The following CNTN6 variants were observed in gnomAD, a reference collection of about 807,000 sequenced individuals.
CNTN6 encodes contactin 6.
CNTN6 carries 137 observed loss-of-function variants against 122.8 expected under a neutral mutation model. That is an observed-to-expected ratio of 1.12 (90% CI 0.97 to 1.29). The LOEUF is 1.29. Ranked by LOEUF, CNTN6 falls within the 50% of genes most tolerant of loss-of-function variation. The pLI is 0.00. For missense variants in CNTN6, 1,634 were observed against 1,223.4 expected (o/e 1.34, Z -5.01); for synonymous variants, 570 against 426.0 (o/e 1.34, Z -4.16).
chr3:1,230,297 T>C lies in CNTN6; in HGVS notation c.358+2304T>C, dbSNP rs376316030. ...TCTTTTCTTAACAACGTTAAGCTTC[T>C]GTTAAGAAATCTATACGATGAGGAT... On this transcript the variant is annotated intron_variant, in intron 4 of 22. Transcript: ENST00000446702. Among the ~76,000 whole-genome samples the C allele has an allele frequency of 1.3e-4, 20 of 152,310 alleles. No individual in the cohort carries two copies. In the East Asian group the frequency reaches 1.9e-3, roughly 15 times the overall value.
intron 1 of CNTN6, among the ~76,000 whole-genome samples, chr3:1,099,389 T>C (rs1431850163): frequency 2.0e-5 from 3 of 152,036 alleles, no homozygotes; most frequent in Non-Finnish European, 4.4e-5. Flanking sequence ...GGGCGGAGCT[T>C]GCAGTGAGCC....
chr3:1,305,000 A>AAAAC (rs1559769094), intron 7 of CNTN6, among the ~76,000 whole-genome samples: 1 of 151,746 alleles, frequency 6.6e-6, no homozygotes, highest in Non-Finnish European at 1.5e-5. Context: ...AAAAAAAAAA[A>AAAAC]AAAACAAAAT....
intron 14 of CNTN6, among the ~76,000 whole-genome samples, 180 bp from the exon 15 acceptor site, chr3:1,373,424 A>G (rs189303593): frequency 6.6e-6 from 1 of 152,140 alleles, no homozygotes; most frequent in Non-Finnish European, 1.5e-5. Context: ...GCACTACTAC[A>G]TTAATGTCAT....
At chr3:1,129,758 T>G (rs569891972) in intron 1 of CNTN6, among the ~76,000 whole-genome samples, 32 of 152,228 alleles carry the variant, frequency 2.1e-4, no homozygotes, top group Non-Finnish European at 4.4e-4. Flanking sequence ...AACTGAAAGT[T>G]AAATGTATGT....
chr3:1,373,724 G>A lies in CNTN6; in HGVS notation c.1907G>A (p.Arg636Gln), dbSNP rs747085809. Residue 636 changes from arginine (R) to glutamine (Q), a missense_variant, in exon 15 of 23, where the codon CGG (arginine) becomes CAG (glutamine). By Grantham distance (43) the Arg-to-Gln change is conservative. Transcript: ENST00000446702. Reference protein sequence around the residue: ...SPIQIFTIQTRTPFSVGWQAV... With the variant: ...SPIQIFTIQTQTPFSVGWQAV... Reference sequence around the variant, plus strand: ...ATTCAAATATTTACTATTCAGACTCGGACACCATTTTCTGTGGGTTGGCAG... The same window carrying A: ...ATTCAAATATTTACTATTCAGACTCAGACACCATTTTCTGTGGGTTGGCAG... The A allele has an allele frequency of 1.4e-5, 23 of 1,610,248 alleles. No homozygotes were observed. The highest frequency in any genetic ancestry group is 8.9e-5 in the East Asian group (4 of 44,784).
intron 5 of CNTN6, among the ~76,000 whole-genome samples, chr3:1,292,999 T>G (rs2125853483): frequency 1.3e-5 from 2 of 152,234 alleles, no homozygotes; most frequent in African/African-American, 4.8e-5. Context: ...ACTTTTATGG[T>G]TTAATGACAC....
intron 5 of CNTN6, among the ~76,000 whole-genome samples, chr3:1,286,587 A>G (rs1694381364): frequency 6.6e-6 from 1 of 152,170 alleles, no homozygotes; most frequent in African/African-American, 2.4e-5. Flanking sequence ...TTTAAAGAAA[A>G]TGTGACAGTC....
intron 2 of CNTN6, among the ~76,000 whole-genome samples, chr3:1,170,328 G>A (rs745387063): frequency 1.1e-4 from 16 of 149,490 alleles, no homozygotes; most frequent in Non-Finnish European, 2.1e-4. Context: ...TTTAAAAACT[G>A]TGAGGTAGAA....
intron 4 of CNTN6, among the ~76,000 whole-genome samples, chr3:1,248,655 A>C (rs2094614496): frequency 6.6e-6 from 1 of 152,066 alleles, no homozygotes; most frequent in African/African-American, 2.4e-5. Flanking sequence ...CTCTGTCTCC[A>C]CTAAAAATAC....
intron 2 of CNTN6, among the ~76,000 whole-genome samples, chr3:1,198,772 T>C (rs1035055050): frequency 1.3e-5 from 2 of 150,934 alleles, no homozygotes; most frequent in African/African-American, 4.9e-5. Flanking sequence ...AGCTACAACA[T>C]AGTAGGTTGA....
intron 12 of CNTN6, among the ~76,000 whole-genome samples, chr3:1,360,436 A>C (rs1707284265): frequency 6.6e-6 from 1 of 152,206 alleles, no homozygotes; most frequent in Non-Finnish European, 1.5e-5. Context: ...TGAATAATTT[A>C]ATATTTTATT....
intron 1 of CNTN6, among the ~76,000 whole-genome samples, chr3:1,136,680 G>A (rs1269793649): frequency 1.3e-5 from 2 of 152,078 alleles, no homozygotes; most frequent in African/African-American, 4.8e-5. Flanking sequence ...AAGTAGAAAT[G>A]TTTCTCTTTC....
intron 11 of CNTN6, among the ~76,000 whole-genome samples, chr3:1,340,029 C>T (rs151224143): frequency 0.023 from 3,525 of 152,040 alleles, 66 homozygotes; most frequent in Admixed American, 0.044. Context: ...TACATCATTT[C>T]GTTAAATTTT....
Position 1,232,944 on chromosome 3 carries a change from T to C in CNTN6, c.358+4951T>C, listed in dbSNP as rs137869189. The stretch of plus-strand genomic sequence containing the variant: ...AGAGGAAATGCAGATGTGTGAACAA[T>C]CTTCAAGTATCGAAGAAAGTGTGGG... On this transcript the variant is annotated intron_variant, in intron 4 of 22. Coordinates refer to ENST00000446702, the MANE Select transcript of CNTN6 (RefSeq NM_001289080.2). Among the ~76,000 whole-genome samples the C allele has an allele frequency of 2.6e-3, 402 of 152,288 alleles. 1 individual carries two copies. The highest frequency in any genetic ancestry group is 9.0e-3 in the African/African-American group (374 of 41,564).
intron 4 of CNTN6, among the ~76,000 whole-genome samples, chr3:1,249,289 C>T (rs2094626050): frequency 2.6e-5 from 4 of 152,142 alleles, no homozygotes; most frequent in Admixed American, 2.6e-4. Flanking sequence ...TTTATGCATC[C>T]AAACAATGCA....
intron 4 of CNTN6, among the ~76,000 whole-genome samples, chr3:1,228,809 C>T (rs2094318627): frequency 6.6e-6 from 1 of 152,136 alleles, no homozygotes; most frequent in African/African-American, 2.4e-5. Flanking sequence ...AGTAATTGTT[C>T]TGAAATTTTA....
intron 4 of CNTN6, among the ~76,000 whole-genome samples, chr3:1,243,915 G>A (rs546012391): frequency 2.6e-4 from 39 of 152,056 alleles, no homozygotes; most frequent in Middle Eastern, 3.2e-3. Context: ...TGGGACCAAG[G>A]GGACAGGCGG....
chr3:1,335,012 A>T (rs1372244318), intron 11 of CNTN6, among the ~76,000 whole-genome samples: 1 of 152,146 alleles, frequency 6.6e-6, no homozygotes, highest in Non-Finnish European at 1.5e-5. Flanking sequence ...ATAGCCACAT[A>T]ACATATAACA....
chr3:1,375,216 G>A (rs1435095320), intron 16 of CNTN6, among the ~76,000 whole-genome samples: 1 of 152,056 alleles, frequency 6.6e-6, no homozygotes, highest in African/African-American at 2.4e-5. Flanking sequence ...CAGGTTGTTT[G>A]TTTACAGTTG....
Sources: allele counts gnomAD v4.1 joint callset (sites outside exome capture counted in the v4.1 genomes callset), GRCh38; gene constraint gnomAD v4.1.1; transcripts MANE v1.5; gene names NCBI Gene and HGNC (gene_info 2026-07-23, HGNC 2026-07-21).